The following ELF2 variants were observed in gnomAD, a reference collection of about 807,000 sequenced individuals.
ELF2 encodes the protein ETS-related transcription factor Elf-2.
ELF2 carries 11 observed loss-of-function variants against 54.8 expected under a neutral mutation model. The observed-to-expected ratio is 0.20, with a 90% CI of 0.13 to 0.33. ELF2 has a LOEUF of 0.33. Ranked by LOEUF, ELF2 falls within the 10% of genes least tolerant of loss-of-function variation. The pLI is 1.00. For synonymous variants in ELF2, 203 were observed against 245.1 expected, an observed-to-expected ratio of 0.83 and a Z score of 1.61; for missense variants, 513 against 703.0, an observed-to-expected ratio of 0.73 and a Z score of 3.06.
chr4:139,061,591 T>C (rs1727868058), intron 8 of ELF2, among the ~76,000 whole-genome samples: 1 of 152,228 alleles, frequency 6.6e-6, no homozygotes, highest in Non-Finnish European at 1.5e-5. Context: ...GTTTAATTTT[T>C]TTTTAAGCCT....
intron 1 of ELF2, among the ~76,000 whole-genome samples, chr4:139,174,803 G>A (rs1742743413): frequency 6.6e-6 from 1 of 152,100 alleles, no homozygotes; most frequent in Non-Finnish European, 1.5e-5. Context: ...TTTTTCCTAG[G>A]AGACAGGATT....
At chr4:139,127,866 G>T (rs1458564244) in intron 3 of ELF2, among the ~76,000 whole-genome samples, 1 of 151,592 alleles carries the variant, frequency 6.6e-6, no homozygotes, top group African/African-American at 2.4e-5. Context: ...TTGGGAGGCT[G>T]AGGCATGAGA....
At chr4:139,131,015 C>T (rs1390429304) in intron 3 of ELF2, among the ~76,000 whole-genome samples, 2 of 152,052 alleles carry the variant, frequency 1.3e-5, no homozygotes, top group African/African-American at 4.8e-5. Context: ...GGAGTCTTTG[C>T]TTAAAAATAA....
At chr4:139,084,432 G>GGC in intron 4 of ELF2, 2 of 1,184,458 alleles carry the variant, frequency 1.7e-6, no homozygotes, top group Non-Finnish European at 2.1e-6. Context: ...GGGGCGGCAG[G>GGC]GGCAGGGGCG....
chr4:139,133,518 A>G (rs1240822436), intron 3 of ELF2, among the ~76,000 whole-genome samples: 1 of 152,158 alleles, frequency 6.6e-6, no homozygotes, highest in Non-Finnish European at 1.5e-5. Context: ...TAACCACAGT[A>G]TGTCTTCCAA....
intron 1 of ELF2, among the ~76,000 whole-genome samples, chr4:139,153,894 A>G (rs1740270380): frequency 6.6e-6 from 1 of 152,166 alleles, no homozygotes; most frequent in Non-Finnish European, 1.5e-5. Context: ...CACATGCAAC[A>G]TGTGGATTTA....
chr4:139,176,185 G>C (rs1742894590), intron 1 of ELF2, among the ~76,000 whole-genome samples: 1 of 152,174 alleles, frequency 6.6e-6, no homozygotes, highest in Non-Finnish European at 1.5e-5. Flanking sequence ...CCTGTTACGA[G>C]CCCGTTTTTG....
chr4:139,072,078 C>A lies in ELF2; in HGVS notation c.353-39G>T, dbSNP rs201997359. The A allele has an allele frequency of 1.3e-5, 21 of 1,592,864 alleles. No homozygotes were observed. In the African/African-American group the frequency reaches 2.8e-4, roughly 22 times the overall value. On this transcript the variant is annotated intron_variant, in intron 5 of 9. Coordinates refer to ENST00000686138, the MANE Select transcript of ELF2 (RefSeq NM_001331036.3). ...TTGAAAAATTAAAATTTCCCACCCC[C>A]ATCAATGTTTCTTATGTGGACAGTT...
At chr4:139,077,493 A>C (rs1457881727) in intron 4 of ELF2, among the ~76,000 whole-genome samples, 1 of 152,210 alleles carries the variant, frequency 6.6e-6, no homozygotes, top group Non-Finnish European at 1.5e-5. Flanking sequence ...CAAAAATCTA[A>C]GAGGCTGTTC....
At chr4:139,109,852 G>A (rs1191806062) in intron 4 of ELF2, among the ~76,000 whole-genome samples, 1 of 152,110 alleles carries the variant, frequency 6.6e-6, no homozygotes, top group African/African-American at 2.4e-5. Flanking sequence ...GGAGAAAGGA[G>A]CAAGGATATT....
intron 6 of ELF2, among the ~76,000 whole-genome samples, chr4:139,070,838 G>A (rs1729407155): frequency 6.6e-6 from 1 of 152,070 alleles, no homozygotes. Flanking sequence ...TTACAACAAT[G>A]ACCACAGAAT....
intron 7 of ELF2, chr4:139,067,160 ATG>A (rs1367581135): frequency 2.6e-5 from 4 of 152,090 alleles, no homozygotes; most frequent in African/African-American, 7.2e-5. Flanking sequence ...GCATGGTGGC[ATG>A]TGCCTGTGGT....
Position 139,139,423 on chromosome 4 carries a change from T to A in ELF2, c.-177A>T. The A allele has an allele frequency of 8.1e-7, 1 of 1,228,482 alleles. No individual in the cohort carries two copies. The allele number at this position is 1,228,482 out of a possible 1,614,324, so 76.1% of individuals were successfully genotyped here. A position where few individuals can be genotyped will look rare whatever the true frequency, so the allele number is the denominator to read the frequency against. ...ATAAATTTTACTTACAGTTTGTATG[T>A]TAAGTAGTCTAAGCATCCTTCACTA... On this transcript the variant is annotated 5_prime_UTR_variant, in exon 2 of 10. Transcript: ENST00000686138.
At chr4:139,173,305 G>C (rs1742516625) in intron 1 of ELF2, among the ~76,000 whole-genome samples, 1 of 152,034 alleles carries the variant, frequency 6.6e-6, no homozygotes, top group Non-Finnish European at 1.5e-5. Flanking sequence ...TTATTAAAAA[G>C]TGTACATACC....
At chr4:139,159,074 T>C (rs756016560) in intron 1 of ELF2, among the ~76,000 whole-genome samples, 4 of 152,000 alleles carry the variant, frequency 2.6e-5, no homozygotes, top group Admixed American at 6.6e-5. Context: ...AGGGAAGAAA[T>C]GACCATGGTG....
At chr4:139,061,262 C>T (rs1727811558) in intron 8 of ELF2, among the ~76,000 whole-genome samples, 1 of 151,432 alleles carries the variant, frequency 6.6e-6, no homozygotes, top group Admixed American at 6.6e-5. Context: ...GCAACCTCCG[C>T]TTCCTGGGTT....
intron 1 of ELF2, among the ~76,000 whole-genome samples, chr4:139,169,164 A>G (rs1247563114): frequency 6.6e-6 from 1 of 151,836 alleles, no homozygotes; most frequent in Non-Finnish European, 1.5e-5. Context: ...CCTGGCCAAA[A>G]TGGTGAAACC....
At chr4:139,059,675 A>T in intron 9 of ELF2, 68 bp from the exon 10 acceptor site, 1 of 1,530,906 alleles carries the variant, frequency 6.5e-7, no homozygotes, top group Non-Finnish European at 8.7e-7. Context: ...CTCCTGAGTA[A>T]AAGATTAATA....
chr4:139,074,573 A>T (rs1215295115), intron 4 of ELF2, among the ~76,000 whole-genome samples: 4 of 152,040 alleles, frequency 2.6e-5, no homozygotes, highest in African/African-American at 9.7e-5. Flanking sequence ...CATCCTGACA[A>T]ACATGGTGAA....
Sources: gnomAD v4.1 joint callset for allele counts (sites outside exome capture counted in the v4.1 genomes callset) on GRCh38, gnomAD v4.1.1 for gene constraint, MANE v1.5 for transcripts, NCBI Gene and HGNC (gene_info 2026-07-23, HGNC 2026-07-21) for gene names.